Variants in SLC26A7 observed in about 807,000 individuals in gnomAD.
SLC26A7 encodes the protein anion exchange transporter.
SLC26A7 carries 59 observed loss-of-function variants against 82.5 expected under a neutral mutation model. The ratio of observed to expected loss-of-function variants is 0.72; its 90% CI spans 0.58 to 0.89. The LOEUF (loss-of-function observed/expected upper bound fraction) is 0.89, where lower values mean the gene tolerates loss of function less well. SLC26A7 is among the 40% of genes least tolerant of loss of function. The pLI is 0.00. For missense variants in SLC26A7, 820 were observed against 793.0 expected, an observed-to-expected ratio of 1.03 and a Z score of -0.41; for synonymous variants, 271 against 274.3, an observed-to-expected ratio of 0.99 and a Z score of 0.12.
intron 5 of SLC26A7, among the ~76,000 whole-genome samples, chr8:91,325,055 A>C (rs904938007): frequency 1.3e-5 from 2 of 152,144 alleles, no homozygotes; most frequent in African/African-American, 4.8e-5. Flanking sequence ...TGGCTACAAG[A>C]CCAGACCCTA....
At chr8:91,294,012 A>C (rs188630897) in intron 3 of SLC26A7, among the ~76,000 whole-genome samples, 8 of 152,246 alleles carry the variant, frequency 5.3e-5, no homozygotes, top group African/African-American at 1.9e-4. Context: ...TGTACTCTTA[A>C]TTTAGTATTT....
intron 15 of SLC26A7, among the ~76,000 whole-genome samples, chr8:91,370,360 C>T (rs1208245808): frequency 6.6e-6 from 1 of 151,698 alleles, no homozygotes; most frequent in African/African-American, 2.4e-5. Flanking sequence ...TTCCTTTTCT[C>T]TCCTCTTTCC....
At chr8:91,239,387 A>ATATATATATAT (rs1370145787) in intron 2 of SLC26A7, among the ~76,000 whole-genome samples, 6 of 106,528 alleles carry the variant, frequency 5.6e-5, no homozygotes, top group African/African-American at 2.1e-4. Context: ...AAAAAAAAAA[A>ATATATATATAT]AAAAAAAAAT....
chr8:91,216,158 A>T (rs150969267), intron 1 of SLC26A7, among the ~76,000 whole-genome samples: 1 of 152,318 alleles, frequency 6.6e-6, no homozygotes, highest in East Asian at 1.9e-4. Flanking sequence ...CTATAAAACT[A>T]ACAACGGGCA....
intron 2 of SLC26A7, among the ~76,000 whole-genome samples, chr8:91,266,331 G>GGAA (rs1811111718): frequency 6.6e-6 from 1 of 151,772 alleles, no homozygotes; most frequent in African/African-American, 2.4e-5. Flanking sequence ...TGGATAGTAT[G>GGAA]GACATTTTAA....
At chr8:91,318,624 G>GA (rs757202981) in intron 5 of SLC26A7, among the ~76,000 whole-genome samples, 263 of 148,352 alleles carry the variant, frequency 1.8e-3, no homozygotes, top group Admixed American at 3.0e-3. Context: ...GGCATAATTA[G>GA]AAAAAAAAAA....
intron 15 of SLC26A7, among the ~76,000 whole-genome samples, chr8:91,388,728 T>C (rs982742126): frequency 1.3e-5 from 2 of 152,128 alleles, no homozygotes; most frequent in African/African-American, 4.8e-5. Context: ...GGTCATGAAC[T>C]CCTAAGTAAA....
At chr8:91,291,451 C>T (rs960899086) in intron 3 of SLC26A7, among the ~76,000 whole-genome samples, 6 of 152,070 alleles carry the variant, frequency 3.9e-5, no homozygotes, top group South Asian at 2.1e-4. Context: ...AATTTCCTAA[C>T]GATTTCTTTT....
At chr8:91,388,342 G>GT (rs1453877643) in intron 15 of SLC26A7, among the ~76,000 whole-genome samples, 7 of 151,894 alleles carry the variant, frequency 4.6e-5, no homozygotes, top group Non-Finnish European at 7.4e-5. Flanking sequence ...CGCCTCCCGG[G>GT]TTAACGCCAT....
rs905126639 is a variant in SLC26A7, at chr8:91,300,602, A to T, written c.477+4899A>T. Among the ~76,000 whole-genome samples, 9 of 152,028 alleles carry T rather than the reference A, an allele frequency of 5.9e-5. No individual in the cohort carries two copies. The East Asian group carries it at 7.7e-4, about 13-fold the overall frequency. ...TTAGTAGAGACGGGGTTTCACCGTT[A>T]TAGCCGGGATGGTCTCGATCTCCTG... On this transcript the variant is annotated intron_variant, in intron 4 of 18. Transcript: ENST00000276609.
chr8:91,331,043 G>C (rs907611733), intron 5 of SLC26A7, among the ~76,000 whole-genome samples: 1 of 151,978 alleles, frequency 6.6e-6, no homozygotes, highest in Admixed American at 6.6e-5. Context: ...TCCTGACATG[G>C]TATTTCTCCT....
chr8:91,259,649 T>C (rs1215066320), intron 2 of SLC26A7, among the ~76,000 whole-genome samples: 3 of 152,082 alleles, frequency 2.0e-5, no homozygotes, highest in African/African-American at 7.2e-5. Context: ...CTTAGTATTC[T>C]AAAGGATCAT....
chr8:91,279,125 G>GTGTGTGTATATATATA (rs1382744780), intron 2 of SLC26A7, among the ~76,000 whole-genome samples: 1 of 111,262 alleles, frequency 9.0e-6, no homozygotes, highest in African/African-American at 3.5e-5. Context: ...GTGTGTGTGT[G>GTGTGTGTATATATATA]TATATATATA....
intron 11 of SLC26A7, among the ~76,000 whole-genome samples, chr8:91,358,154 T>C (rs994867979): frequency 6.6e-6 from 1 of 152,156 alleles, no homozygotes; most frequent in African/African-American, 2.4e-5. Context: ...ACTTTTACAC[T>C]GTTGGTGGGA....
chr8:91,217,879 G>A (rs892917731), intron 1 of SLC26A7, among the ~76,000 whole-genome samples: 3 of 152,146 alleles, frequency 2.0e-5, no homozygotes, highest in Non-Finnish European at 2.9e-5. Context: ...TTTACAGTTA[G>A]GATAGTGCTG....
At chr8:91,316,876 AG>A (rs2130806248) in intron 4 of SLC26A7, among the ~76,000 whole-genome samples, 1 of 150,614 alleles carries the variant, frequency 6.6e-6, no homozygotes, top group Admixed American at 6.6e-5. Context: ...AGAAGAGGCC[AG>A]GTATGGTGGC....
chr8:91,233,333 G>A (rs564602588), intron 2 of SLC26A7, among the ~76,000 whole-genome samples: 2 of 152,198 alleles, frequency 1.3e-5, no homozygotes, highest in South Asian at 4.2e-4. Flanking sequence ...TTGGGAGGCC[G>A]AGGCAGGTGG....
chr8:91,327,132 T>C (rs1024156934), intron 5 of SLC26A7, among the ~76,000 whole-genome samples: 2 of 151,976 alleles, frequency 1.3e-5, no homozygotes, highest in African/African-American at 2.4e-5. Flanking sequence ...GGAGGGGAGA[T>C]AGGGGACTAC....
At chr8:91,337,938 G>A (rs1226988770) in intron 6 of SLC26A7, among the ~76,000 whole-genome samples, 1 of 83,172 alleles carries the variant, frequency 1.2e-5, no homozygotes, top group Non-Finnish European at 3.1e-5. Context: ...TGATTGGGAT[G>A]TCATCTAATT....
Sources: gnomAD v4.1 joint callset for allele counts (sites outside exome capture counted in the v4.1 genomes callset) on GRCh38, gnomAD v4.1.1 for gene constraint, MANE v1.5 for transcripts, NCBI Gene and HGNC (gene_info 2026-07-23, HGNC 2026-07-21) for gene names.